ANK2: variants seen among roughly 807,000 people sequenced by gnomAD.
The protein encoded by ANK2 is ankyrin 2.
A neutral mutation model predicts 360.5 loss-of-function variants in ANK2; 83 were observed. That is an observed-to-expected ratio of 0.23 (90% confidence interval 0.19 to 0.28). The LOEUF is 0.28. Among genes scored for constraint, ANK2 ranks in the 10% least tolerant of loss-of-function variants. The pLI, the probability that ANK2 is intolerant of heterozygous loss-of-function variation, is 1.00. For synonymous variants in ANK2, 1,740 were observed against 1,759.5 expected (o/e 0.99, Z 0.28); for missense variants, 4,201 against 4,795.7 (o/e 0.88, Z 3.66).
intron 9 of ANK2, among the ~76,000 whole-genome samples, chr4:113,245,459 G>A (rs2042343753): frequency 6.6e-6 from 1 of 152,162 alleles, no homozygotes; most frequent in South Asian, 2.1e-4. Flanking sequence ...GGGCTGGGGA[G>A]GCATCAGGAA....
chr4:113,209,670 G>A (rs1479933304), intron 4 of ANK2, among the ~76,000 whole-genome samples: 2 of 151,946 alleles, frequency 1.3e-5, no homozygotes, highest in East Asian at 1.9e-4. Context: ...TTTTAAAGGC[G>A]GGGGTAAATT....
chr4:112,766,850 C>A, the ANK2 span, among the ~76,000 whole-genome samples: 1 of 152,190 alleles, frequency 6.6e-6, no homozygotes, highest in Non-Finnish European at 1.5e-5. Context: ...GTTAGCCCAC[C>A]TGATCCAGAT....
intron 2 of ANK2, among the ~76,000 whole-genome samples, chr4:112,924,837 CTT>C (rs199974647): frequency 0.045 from 5,897 of 131,806 alleles, 108 homozygotes; most frequent in African/African-American, 0.1. Flanking sequence ...ATATTTATTA[CTT>C]TTTTTTTTTT....
At chr4:112,868,156 A>G (rs921413479) in intron 1 of ANK2, among the ~76,000 whole-genome samples, 3 of 152,192 alleles carry the variant, frequency 2.0e-5, no homozygotes, top group Non-Finnish European at 2.9e-5. Flanking sequence ...ATGACAAATG[A>G]TGTTGAGCAT....
chr4:113,287,762 C>A (rs1563446268), intron 19 of ANK2, 59 bp downstream of exon 19: 1 of 1,446,452 alleles, frequency 6.9e-7, no homozygotes. Flanking sequence ...TCCCAGTAGC[C>A]CCCATTCGGG....
chr4:113,310,566 G>A (rs1249754364), intron 23 of ANK2, among the ~76,000 whole-genome samples: 1 of 152,048 alleles, frequency 6.6e-6, no homozygotes, highest in African/African-American at 2.4e-5. Context: ...ACAGGCATGT[G>A]CCACCACGCC....
At chr4:113,159,769 G>C (rs551380297) in intron 1 of ANK2, among the ~76,000 whole-genome samples, 1 of 139,246 alleles carries the variant, frequency 7.2e-6, no homozygotes, top group East Asian at 2.2e-4. Context: ...CACCACGCCC[G>C]GCTAATTTTT....
chr4:112,993,905 C>T (rs1290264365), intron 2 of ANK2, among the ~76,000 whole-genome samples: 3 of 151,042 alleles, frequency 2.0e-5, no homozygotes, highest in Non-Finnish European at 4.4e-5. Context: ...ACAGGGTTTC[C>T]CCATCTTGGC....
At chr4:113,352,197 T>C (rs1055526689) in intron 37 of ANK2, among the ~76,000 whole-genome samples, 28 of 152,234 alleles carry the variant, frequency 1.8e-4, no homozygotes, top group African/African-American at 5.3e-4. Context: ...ATAAACTGTG[T>C]GTGTGTCCCG....
intron 20 of ANK2, among the ~76,000 whole-genome samples, chr4:113,290,584 A>G (rs2067050368): frequency 6.6e-6 from 1 of 152,196 alleles, no homozygotes; most frequent in Admixed American, 6.5e-5. Context: ...CACATGAAAA[A>G]AATTGTATTT....
intron 10 of ANK2, among the ~76,000 whole-genome samples, chr4:113,250,331 T>G (rs911802709): frequency 1.3e-5 from 2 of 152,206 alleles, no homozygotes; most frequent in Admixed American, 6.5e-5. Context: ...ATTGGTTGAT[T>G]ATGTTGAAGA....
intron 2 of ANK2, among the ~76,000 whole-genome samples, chr4:113,021,541 C>CACACACACACATATATATATATATATAT (rs1489947974): frequency 4.2e-5 from 4 of 95,568 alleles, no homozygotes; most frequent in Non-Finnish European, 9.1e-5. Flanking sequence ...CACACACAAA[C>CACACACACACATATATATATATATATAT]ATATATATAT....
chr4:113,264,739 T>C (rs1299455896), intron 13 of ANK2, among the ~76,000 whole-genome samples, 158 bp from the exon 14 acceptor site: 1 of 148,382 alleles, frequency 6.7e-6, no homozygotes, highest in Non-Finnish European at 1.5e-5. Context: ...AAAAAAAAGA[T>C]ACAAATCTAT....
chr4:112,800,844 C>T, the ANK2 span, among the ~76,000 whole-genome samples: 37 of 152,120 alleles, frequency 2.4e-4, no homozygotes, highest in Admixed American at 2.0e-3. Flanking sequence ...TTAGTAGAGA[C>T]GGGTTTCACC....
chr4:113,335,929 T>TCTCG lies in ANK2; in HGVS notation c.3464_3467dup (p.Ile1157SerfsTer49). Reference sequence around the variant, plus strand: ...CTTCCCACAGTACTTTGCAGTGGTGTCTCGTATCAAACAGGACAGCAATCT... The same window carrying TCTCG: ...CTTCCCACAGTACTTTGCAGTGGTGTCTCGCTCGTATCAAACAGGACAGCAATCT... On this transcript the variant is annotated frameshift_variant, in exon 30 of 46. Coordinates refer to ENST00000357077, the MANE Select transcript of ANK2 (RefSeq NM_001148.6). LOFTEE classifies it high-confidence loss of function. 6.2e-7 allele frequency: 1 copy of TCTCG among 1,614,072 alleles called. No homozygotes were observed. Among genetic ancestry groups the TCTCG allele is most frequent in the Non-Finnish European group, 8.5e-7 (1 of 1,180,010 alleles).
At chr4:113,321,187 T>A (rs1427758007) in intron 26 of ANK2, among the ~76,000 whole-genome samples, 1 of 152,222 alleles carries the variant, frequency 6.6e-6, no homozygotes, top group African/African-American at 2.4e-5. Flanking sequence ...ATATTATTGA[T>A]CCCATAGGGG....
chr4:112,989,905 A>T lies in ANK2; in HGVS notation c.21+85391A>T, dbSNP rs1180640180. On this transcript the variant is annotated intron_variant, in intron 2 of 30. Transcript: ENST00000503271. ...ATTAAATTAAGAAAACTAACACTTA[A>T]TTTCATAGCTCAATAGGAATTGTTG... 2.0e-5 allele frequency among the ~76,000 whole-genome samples: 3 copies of T among 152,224 alleles called. No homozygotes were observed. The East Asian group carries it at 5.8e-4, about 29-fold the overall frequency.
intron 1 of ANK2, among the ~76,000 whole-genome samples, chr4:113,107,590 A>G (rs187765325): frequency 6.6e-6 from 1 of 152,250 alleles, no homozygotes; most frequent in East Asian, 1.9e-4. Context: ...ATTCAAAGTG[A>G]TCAGCAATCT....
rs796508072 is a variant in ANK2, at chr4:112,833,506, G to C, written c.-40+15242G>C. Reference sequence around the variant, plus strand: ...TTCTTTTAATTTATGAATGATTTATGTATTTTTTTTTTTTTGAGAGGGAGT... The same window carrying C: ...TTCTTTTAATTTATGAATGATTTATCTATTTTTTTTTTTTTGAGAGGGAGT... On this transcript the variant is annotated intron_variant, in intron 1 of 30. Transcript: ENST00000503271. Among the ~76,000 whole-genome samples the C allele has an allele frequency of 4.6e-3, 430 of 94,216 alleles. 1 individual carries two copies. The highest frequency in any genetic ancestry group is 0.022 in the African/African-American group (407 of 18,196). 61.8% of individuals were successfully genotyped at this position (94,216 alleles called of 152,430 possible). A position where few individuals can be genotyped will look rare whatever the true frequency, so the allele number is the denominator to read the frequency against.
Sources: gnomAD v4.1 joint callset for allele counts (sites outside exome capture counted in the v4.1 genomes callset) on GRCh38, gnomAD v4.1.1 for gene constraint, MANE v1.5 for transcripts, NCBI Gene and HGNC (gene_info 2026-07-23, HGNC 2026-07-21) for gene names.